Variants in ALPK1 observed in about 807,000 individuals in gnomAD.
ALPK1 encodes alpha kinase 1.
ALPK1 carries 110 observed loss-of-function variants against 120.6 expected under a neutral mutation model. The ratio of observed to expected loss-of-function variants is 0.91; its 90% confidence interval spans 0.78 to 1.07. The LOEUF is 1.07. ALPK1 is among the 50% of genes least tolerant of loss of function. The pLI is 0.00. For missense variants in ALPK1, 1,498 were observed against 1,483.9 expected (o/e 1.01, Z -0.16); for synonymous variants, 582 against 560.3 (o/e 1.04, Z -0.55).
chr4:112,318,619 A>G (rs1430105491), intron 2 of ALPK1, among the ~76,000 whole-genome samples: 1 of 152,210 alleles, frequency 6.6e-6, no homozygotes, highest in Non-Finnish European at 1.5e-5. Flanking sequence ...TACCTTTATA[A>G]CCTAAGACTT....
chr4:112,351,083 C>T (rs1012196078), intron 2 of ALPK1, among the ~76,000 whole-genome samples: 4 of 152,214 alleles, frequency 2.6e-5, no homozygotes, highest in Non-Finnish European at 4.4e-5. Flanking sequence ...GCTAATAGTT[C>T]GTCAGATGTC....
Position 112,439,756 on chromosome 4 carries a change from T to G in ALPK1, c.3422T>G (p.Leu1141Trp). 6.2e-7 allele frequency: 1 copy of G among 1,613,684 alleles called. No homozygotes were observed. Among genetic ancestry groups the G allele is most frequent in the Non-Finnish European group, 8.5e-7 (1 of 1,179,844 alleles). Residue 1141 changes from leucine to tryptophan, a missense_variant, in exon 14 of 16, where the codon TTG (leucine) becomes TGG (tryptophan). Physicochemically the swap from Leu to Trp is moderately conservative, Grantham distance 61. Coordinates refer to ENST00000650871, the MANE Select transcript of ALPK1 (RefSeq NM_025144.4). ...TACATACTGGGAGAATTTGTAAAAT[T>G]GTCAAATAACACGAAAGTGGTGAAA... Reference protein sequence around the residue: ...EPYILGEFVKLSNNTKVVKTE... With the variant: ...EPYILGEFVKWSNNTKVVKTE...
intron 2 of ALPK1, among the ~76,000 whole-genome samples, chr4:112,368,765 C>T (rs1731265287): frequency 6.6e-6 from 1 of 152,108 alleles, no homozygotes; most frequent in Non-Finnish European, 1.5e-5. Context: ...AGACAATTTT[C>T]CTGGGAGGTG....
intron 2 of ALPK1, among the ~76,000 whole-genome samples, chr4:112,350,745 A>T (rs1031105800): frequency 6.6e-6 from 1 of 152,126 alleles, no homozygotes; most frequent in African/African-American, 2.4e-5. Context: ...CTGCCTCTTC[A>T]CCTCCATGGC....
chr4:112,440,490 T>G (rs1348675539), intron 14 of ALPK1, among the ~76,000 whole-genome samples: 2 of 151,140 alleles, frequency 1.3e-5, no homozygotes, highest in East Asian at 3.9e-4. Context: ...CCTAAAATAG[T>G]GTTTTGTAGA....
At chr4:112,356,498 C>T (rs1730621698) in intron 2 of ALPK1, 2 of 919,490 alleles carry the variant, frequency 2.2e-6, no homozygotes, top group Admixed American at 3.5e-5. Flanking sequence ...CACAGGTCAT[C>T]AACAAAATTC....
intron 4 of ALPK1, among the ~76,000 whole-genome samples, chr4:112,396,668 C>T (rs764363996): frequency 6.6e-6 from 1 of 152,198 alleles, no homozygotes; most frequent in Non-Finnish European, 1.5e-5. Context: ...CACCCTCAAT[C>T]CACTGTCAAA....
chr4:112,379,213 G>A (rs578065761), intron 3 of ALPK1, among the ~76,000 whole-genome samples: 2 of 152,352 alleles, frequency 1.3e-5, no homozygotes, highest in East Asian at 3.9e-4. Flanking sequence ...CAATTGGGTA[G>A]CATTTTCTTT....
chr4:112,369,460 A>G (rs1731299392), intron 2 of ALPK1, among the ~76,000 whole-genome samples: 1 of 152,192 alleles, frequency 6.6e-6, no homozygotes, highest in Non-Finnish European at 1.5e-5. Flanking sequence ...TTCTTGTTGT[A>G]CATTAGAGAC....
At chr4:112,325,570 CCTT>C (rs775066412) in intron 2 of ALPK1, among the ~76,000 whole-genome samples, 4 of 152,180 alleles carry the variant, frequency 2.6e-5, no homozygotes, top group Non-Finnish European at 5.9e-5. Context: ...TGTAAATACT[CCTT>C]CTCCGGACCA....
At chr4:112,338,521 G>A (rs115086890) in intron 2 of ALPK1, among the ~76,000 whole-genome samples, 2,115 of 151,962 alleles carry the variant, frequency 0.014, 22 homozygotes, top group Middle Eastern at 0.031. Flanking sequence ...ACAGACAATC[G>A]AAAAAAATAT....
At chr4:112,340,643 A>T (rs1162632448) in intron 2 of ALPK1, among the ~76,000 whole-genome samples, 1 of 152,210 alleles carries the variant, frequency 6.6e-6, no homozygotes, top group Non-Finnish European at 1.5e-5. Context: ...TTCCCCCCTC[A>T]ACCCTTTTCA....
intron 2 of ALPK1, among the ~76,000 whole-genome samples, chr4:112,321,348 G>T (rs1321154311): frequency 2.0e-5 from 3 of 151,890 alleles, no homozygotes; most frequent in African/African-American, 4.8e-5. Flanking sequence ...ATTTCATTTA[G>T]TTCTGCTCTG....
At chr4:112,365,194 G>A (rs1334599441) in intron 2 of ALPK1, among the ~76,000 whole-genome samples, 1 of 152,130 alleles carries the variant, frequency 6.6e-6, no homozygotes, top group South Asian at 2.1e-4. Flanking sequence ...AGTGCTGGAA[G>A]TCCTAGCCAG....
chr4:112,340,792 A>C (rs1275596610), intron 2 of ALPK1, among the ~76,000 whole-genome samples: 1 of 152,232 alleles, frequency 6.6e-6, no homozygotes, highest in Non-Finnish European at 1.5e-5. Flanking sequence ...AGATTTGATC[A>C]GTTTTTTAAA....
intron 6 of ALPK1, among the ~76,000 whole-genome samples, chr4:112,424,888 G>C (rs745540844): frequency 6.6e-6 from 1 of 152,134 alleles, no homozygotes; most frequent in Non-Finnish European, 1.5e-5. Context: ...TTTGATGTTT[G>C]ACCGACCACT....
At chr4:112,332,324 G>A (rs1302638317) in intron 2 of ALPK1, among the ~76,000 whole-genome samples, 1 of 152,114 alleles carries the variant, frequency 6.6e-6, no homozygotes, top group African/African-American at 2.4e-5. Flanking sequence ...GACGCAAGAA[G>A]GTACAGCAAA....
intron 4 of ALPK1, among the ~76,000 whole-genome samples, chr4:112,404,585 C>A (rs1034259566): frequency 2.6e-5 from 4 of 152,194 alleles, no homozygotes; most frequent in African/African-American, 9.7e-5. Flanking sequence ...TGACTTAGAT[C>A]AATTTTTATA....
chr4:112,385,682 AAT>A (rs1463911266), intron 4 of ALPK1, among the ~76,000 whole-genome samples: 2 of 152,216 alleles, frequency 1.3e-5, no homozygotes, highest in Non-Finnish European at 2.9e-5. Flanking sequence ...GATTATTAAA[AAT>A]AGTTTGAATA....
Sources: gnomAD v4.1 joint callset for allele counts (sites outside exome capture counted in the v4.1 genomes callset) on GRCh38, gnomAD v4.1.1 for gene constraint, MANE v1.5 for transcripts, NCBI Gene and HGNC (gene_info 2026-07-23, HGNC 2026-07-21) for gene names.